Variants in RAB27A observed in about 807,000 individuals in gnomAD.
RAB27A encodes RAB27A, member RAS oncogene family.
In RAB27A, 17 loss-of-function variants were observed where a neutral mutation model predicts 20.8. The observed-to-expected ratio is 0.82, with a 90% CI of 0.56 to 1.23. The LOEUF is 1.23. Among genes scored for constraint, RAB27A ranks in the 50% most tolerant of loss-of-function variants. RAB27A has a pLI of 0.00. For missense variants in RAB27A, 277 were observed against 266.7 expected, an observed-to-expected ratio of 1.04 and a Z score of -0.27; for synonymous variants, 85 against 92.8, an observed-to-expected ratio of 0.92 and a Z score of 0.48.
intron 2 of RAB27A, among the ~76,000 whole-genome samples, chr15:55,312,006 TGCGGTGAGTGTTATA>T: frequency 6.6e-6 from 1 of 152,128 alleles, no homozygotes; most frequent in East Asian, 1.9e-4. Flanking sequence ...TCTTGGGCCA[TGCGGTGAGTGTTATA>T]GCTCTATTAG....
chr15:55,220,235 G>A (rs1004181490), intron 6 of RAB27A, among the ~76,000 whole-genome samples: 9 of 151,080 alleles, frequency 6.0e-5, no homozygotes, highest in African/African-American at 2.2e-4. Context: ...CAATGATCTG[G>A]GGTTTTTTTG....
intron 1 of RAB27A, among the ~76,000 whole-genome samples, chr15:55,274,829 T>TATATATATAGAG (rs1244330728): frequency 7.2e-6 from 1 of 139,008 alleles, no homozygotes; most frequent in East Asian, 2.0e-4. Context: ...TATATATGTA[T>TATATATATAGAG]AGAGAGAGAC....
chr15:55,258,423 T>C (rs1262167290), intron 2 of RAB27A, among the ~76,000 whole-genome samples: 2 of 152,136 alleles, frequency 1.3e-5, no homozygotes, highest in Non-Finnish European at 1.5e-5. Flanking sequence ...TCAAAGGCAA[T>C]AGGTTTTAGG....
intron 2 of RAB27A, among the ~76,000 whole-genome samples, chr15:55,306,241 T>C (rs1278445330): frequency 6.6e-6 from 1 of 151,954 alleles, no homozygotes; most frequent in Non-Finnish European, 1.5e-5. Context: ...AAAACGGAAG[T>C]GGTGTTTATG....
intron 2 of RAB27A, among the ~76,000 whole-genome samples, chr15:55,298,458 T>C (rs1033309071): frequency 6.6e-6 from 1 of 152,016 alleles, no homozygotes; most frequent in African/African-American, 2.4e-5. Context: ...AGTGTGTGAA[T>C]AGGTGTGGGT....
intron 2 of RAB27A, among the ~76,000 whole-genome samples, chr15:55,312,757 A>T (rs1356350354): frequency 2.6e-5 from 4 of 152,178 alleles, no homozygotes; most frequent in African/African-American, 7.2e-5. Context: ...ATGTGTTAGG[A>T]TTATTCCTCA....
intron 1 of RAB27A, among the ~76,000 whole-genome samples, chr15:55,288,062 C>G (rs1344636212): frequency 6.6e-6 from 1 of 152,126 alleles, no homozygotes; most frequent in Non-Finnish European, 1.5e-5. Flanking sequence ...TGAAGTCAGA[C>G]CCCCTGCCTC....
At chr15:55,231,736 T>C (rs796879049) in intron 3 of RAB27A, among the ~76,000 whole-genome samples, 15 of 152,220 alleles carry the variant, frequency 9.9e-5, no homozygotes, top group African/African-American at 3.4e-4. Context: ...AGGAAGCCCC[T>C]TGGAAAGCTC....
At chr15:55,229,105 T>C (rs1014755662) in intron 4 of RAB27A, among the ~76,000 whole-genome samples, 1 of 152,198 alleles carries the variant, frequency 6.6e-6, no homozygotes, top group Admixed American at 6.5e-5. Context: ...CTGATAGCCA[T>C]TTGTTTGGCT....
chr15:55,241,721 T>C (rs1896501073), intron 2 of RAB27A, among the ~76,000 whole-genome samples: 3 of 149,776 alleles, frequency 2.0e-5, no homozygotes, highest in Non-Finnish European at 3.0e-5. Flanking sequence ...GGCAGGAGGA[T>C]TGCTTAAGCC....
rs1355399550 is a variant in RAB27A, at chr15:55,228,729, A to ATTTC, written c.240-18_240-17insGAAA. On this transcript the variant is annotated splice_polypyrimidine_tract_variant and intron_variant, in intron 4 of 6. Coordinates refer to ENST00000336787, the MANE Select transcript of RAB27A (RefSeq NM_183235.3). ...CTACGAAACCTAGGAACATAAAAGC[A>ATTTC]GAATGGTCAGTTAAACCACGGCCCC... is the stretch of plus-strand genomic sequence containing the variant. 6.4e-7 allele frequency: 1 copy of ATTTC among 1,569,904 alleles called. No individual in the cohort carries two copies. The highest frequency in any genetic ancestry group is 8.8e-7 in the Non-Finnish European group (1 of 1,139,822).
At chr15:55,215,083 T>A (rs2140930132) in intron 6 of RAB27A, among the ~76,000 whole-genome samples, 1 of 152,248 alleles carries the variant, frequency 6.6e-6, no homozygotes, top group South Asian at 2.1e-4. Flanking sequence ...CAGAATAAAT[T>A]GGAAATTTCT....
chr15:55,205,756 G>T (rs1894619497), intron 6 of RAB27A, 51 bp from the exon 7 acceptor site: 1 of 1,461,568 alleles, frequency 6.8e-7, no homozygotes, highest in South Asian at 1.1e-5. Context: ...AAAGGAGAGT[G>T]ACCTTTGCTC....
Position 55,205,433 on chromosome 15 carries a change from C to A in RAB27A, c.*74G>T. Reference sequence around the variant, plus strand: ...GTACACAATGCCCATTAATCTCTCACTGTGCCATGTATCAATCATAGAGAA... The same window carrying A: ...GTACACAATGCCCATTAATCTCTCAATGTGCCATGTATCAATCATAGAGAA... On this transcript the variant is annotated 3_prime_UTR_variant, in exon 7 of 7. Coordinates refer to ENST00000336787, the MANE Select transcript of RAB27A (RefSeq NM_183235.3). 1 of 1,459,032 alleles carries A rather than the reference C, an allele frequency of 6.9e-7. No individual in the cohort carries two copies. 90.4% of individuals were successfully genotyped at this position (1,459,032 alleles called of 1,614,324 possible).
intron 2 of RAB27A, among the ~76,000 whole-genome samples, chr15:55,256,493 G>C (rs924932732): frequency 1.3e-5 from 2 of 152,184 alleles, no homozygotes; most frequent in Non-Finnish European, 2.9e-5. Context: ...CTTCTTCAAA[G>C]CCAGGCAAGA....
chr15:55,267,949 G>A (rs1202349633), intron 2 of RAB27A, among the ~76,000 whole-genome samples: 1 of 152,078 alleles, frequency 6.6e-6, no homozygotes, highest in Non-Finnish European at 1.5e-5. Context: ...CACCAAGAAA[G>A]AAGAAAAATG....
chr15:55,261,757 G>A (rs1016819665), intron 2 of RAB27A, among the ~76,000 whole-genome samples: 3 of 142,968 alleles, frequency 2.1e-5, no homozygotes, highest in Non-Finnish European at 1.5e-5. Flanking sequence ...AAAAGTTTTC[G>A]GGCCAGGCAC....
At chr15:55,255,703 T>A (rs1018375472) in intron 2 of RAB27A, among the ~76,000 whole-genome samples, 2 of 152,174 alleles carry the variant, frequency 1.3e-5, no homozygotes, top group Non-Finnish European at 2.9e-5. Flanking sequence ...TCCAGTACGG[T>A]GCTAGCAACT....
intron 1 of RAB27A, among the ~76,000 whole-genome samples, chr15:55,285,152 C>G (rs1416971144): frequency 6.6e-6 from 1 of 152,074 alleles, no homozygotes; most frequent in Non-Finnish European, 1.5e-5. Flanking sequence ...TTCTGCAATG[C>G]AAATTTAACT....
Sources: allele counts gnomAD v4.1 joint callset (sites outside exome capture counted in the v4.1 genomes callset), GRCh38; gene constraint gnomAD v4.1.1; transcripts MANE v1.5; gene names NCBI Gene and HGNC (gene_info 2026-07-23, HGNC 2026-07-21).